The following ZNF260 variants were observed in gnomAD, a reference collection of about 807,000 sequenced individuals.
ZNF260 encodes the protein zinc finger protein 260.
Under a neutral mutation model 29.3 loss-of-function variants are expected in ZNF260, and 21 were observed. The ratio of observed to expected loss-of-function variants is 0.72; its 90% CI spans 0.51 to 1.03. The LOEUF is 1.03. ZNF260 is among the 50% of genes least tolerant of loss of function. The pLI is 0.00. For synonymous variants in ZNF260, 156 were observed against 156.8 expected, an observed-to-expected ratio of 0.99 and a Z score of 0.04; for missense variants, 465 against 487.8, an observed-to-expected ratio of 0.95 and a Z score of 0.44.
chr19:36,514,798 G>C lies in ZNF260; in HGVS notation c.441C>G (p.Gly147=), dbSNP rs1041261251. The C allele has an allele frequency of 2.3e-5, 37 of 1,613,586 alleles. No individual in the cohort carries two copies. Among genetic ancestry groups the C allele is most frequent in the Admixed American group, 3.3e-5 (2 of 59,998 alleles). Residue 147 remains glycine, a synonymous_variant, in exon 3 of 3, where the codon GGC becomes GGG. Coordinates refer to ENST00000523638, the MANE Select transcript of ZNF260 (RefSeq NM_001166037.2). ...ACKECGKAFN[G]KAYLTEHEKI... ...TCTCATGCTCAGTGAGATATGCTTT[G>C]CCGTTAAAGGCTTTGCCACATTCCT...
chr19:36,517,776 G>A (rs2034575488), intron 2 of ZNF260, among the ~76,000 whole-genome samples: 1 of 151,976 alleles, frequency 6.6e-6, no homozygotes, highest in South Asian at 2.1e-4. Flanking sequence ...GTTAGAGTCC[G>A]AGAATGCTGG....
Position 36,510,817 on chromosome 19 carries a change from A to G in ZNF260, c.*3183T>C, listed in dbSNP as rs566774859. Reference sequence around the variant, plus strand: ...AGAGAATATTATGTTGCAATTGCTCATCTTACTCTGACCATCATAATCATT... The same window carrying G: ...AGAGAATATTATGTTGCAATTGCTCGTCTTACTCTGACCATCATAATCATT... On this transcript the variant is annotated 3_prime_UTR_variant, in exon 3 of 3. Transcript: ENST00000523638. The G allele has an allele frequency of 1.3e-5, 2 of 152,296 alleles. No homozygotes were observed. The highest frequency in any genetic ancestry group is 4.1e-4 in the South Asian group (2 of 4,832). The allele number at this position is 152,296 out of a possible 1,614,324, so 9.4% of individuals were successfully genotyped here. A position where few individuals can be genotyped will look rare whatever the true frequency, so the allele number is the denominator to read the frequency against.
intron 2 of ZNF260, among the ~76,000 whole-genome samples, chr19:36,516,132 A>G (rs1373674183): frequency 6.6e-6 from 1 of 152,158 alleles, no homozygotes; most frequent in African/African-American, 2.4e-5. Context: ...TCAGCCTCCC[A>G]AAGTGCTGGG....
rs967113324 is a variant in ZNF260, at chr19:36,516,810, C to T, written c.-461-1111G>A. Among the ~76,000 whole-genome samples, 8 of 152,040 alleles carry T rather than the reference C, an allele frequency of 5.3e-5. No individual in the cohort carries two copies. The South Asian group carries it at 1.7e-3, about 32-fold the overall frequency. On this transcript the variant is annotated intron_variant, in intron 2 of 2. Coordinates refer to ENST00000523638, the MANE Select transcript of ZNF260 (RefSeq NM_001166037.2). ...GGCCAGGGTGGTCTCGATCTCCTGA[C>T]CTCGTGATCTGCCCGCCTTGGCCTC...
At position 36,520,216 on chromosome 19, in the gene ZNF260, A is replaced by G. The variant is rs2034621068; in HGVS notation, c.-461-4517T>C. 2.0e-5 allele frequency among the ~76,000 whole-genome samples: 3 copies of G among 149,746 alleles called. No homozygotes were observed. In the South Asian group the frequency reaches 6.3e-4, roughly 31 times the overall value. ...TCTGTCTCAAAAAAAAAAAAAAAAG[A>G]AAGAAAGAAAAAGGAAAGAAAAACA... On this transcript the variant is annotated intron_variant, in intron 2 of 2. Transcript: ENST00000523638.
At chr19:36,518,492 A>T (rs1434660937) in intron 2 of ZNF260, among the ~76,000 whole-genome samples, 2 of 152,204 alleles carry the variant, frequency 1.3e-5, no homozygotes, top group Non-Finnish European at 2.9e-5. Context: ...AATTGATCTT[A>T]AAAATTCAGT....
intron 1 of ZNF260, among the ~76,000 whole-genome samples, chr19:36,527,114 T>A (rs185084522): frequency 5.8e-4 from 89 of 152,272 alleles, no homozygotes; most frequent in African/African-American, 2.1e-3. Context: ...GATTAGGAGC[T>A]CAGGACAAGC....
rs1285439242 is a variant in ZNF260 at position 36,513,508 on chromosome 19, C to T, written c.*492G>A. Reference sequence around the variant, plus strand: ...CACCAATCTGGGATACCGCCTCTATCAATTACCAATTCCCCATATATTCAT... The same window carrying T: ...CACCAATCTGGGATACCGCCTCTATTAATTACCAATTCCCCATATATTCAT... On this transcript the variant is annotated 3_prime_UTR_variant, in exon 3 of 3. Coordinates refer to ENST00000523638, the MANE Select transcript of ZNF260 (RefSeq NM_001166037.2). 8.0e-6 allele frequency: 3 copies of T among 375,970 alleles called. No individual in the cohort carries two copies. The highest frequency in any genetic ancestry group is 6.2e-5 in the African/African-American group (3 of 48,196). 23.3% of individuals were successfully genotyped at this position (375,970 alleles called of 1,614,324 possible).
chr19:36,527,682 T>C (rs1027649021), intron 1 of ZNF260, among the ~76,000 whole-genome samples: 1 of 152,120 alleles, frequency 6.6e-6, no homozygotes, highest in Non-Finnish European at 1.5e-5. Context: ...TCCAAAGTAT[T>C]AAGAAAAGTC....
intron 2 of ZNF260, among the ~76,000 whole-genome samples, chr19:36,524,212 G>A (rs2034690316): frequency 6.6e-6 from 1 of 151,948 alleles, no homozygotes; most frequent in African/African-American, 2.4e-5. Flanking sequence ...GTCTCACTCT[G>A]TTGCCCAGGC....
At chr19:36,516,000 T>A (rs2034543627) in intron 2 of ZNF260, among the ~76,000 whole-genome samples, 1 of 151,770 alleles carries the variant, frequency 6.6e-6, no homozygotes, top group African/African-American at 2.4e-5. Flanking sequence ...GCCTCCCGAG[T>A]AGCTGGGACT....
In ZNF260 at chr19:36,523,826, G is replaced by A. The variant is rs570090981; in HGVS notation, c.-462+1329C>T. Among the ~76,000 whole-genome samples the A allele has an allele frequency of 3.6e-4, 54 of 151,696 alleles. No homozygotes were observed. The South Asian group carries it at 9.2e-3, about 26-fold the overall frequency. ...CTCCTGACCTCATGATCCACCTGCC[G>A]CAGCCTCCCAAAGTGCTGGGATTAC... On this transcript the variant is annotated intron_variant, in intron 2 of 2. Transcript: ENST00000523638.
chr19:36,520,198 C>CAAAAAAA (rs11327751), intron 2 of ZNF260, among the ~76,000 whole-genome samples: 1 of 89,680 alleles, frequency 1.1e-5, no homozygotes, highest in Non-Finnish European at 2.4e-5. Context: ...GACTCTGTCT[C>CAAAAAAA]AAAAAAAAAA....
intron 1 of ZNF260, among the ~76,000 whole-genome samples, 188 bp downstream of exon 1, chr19:36,528,031 G>A (rs1431405689): frequency 6.7e-6 from 1 of 148,564 alleles, no homozygotes; most frequent in Non-Finnish European, 1.5e-5. Context: ...TCACCCACCC[G>A]CGAACCCACC....
rs765122944 is a variant in ZNF260, at chr19:36,514,778, T to G, written c.461A>C (p.His154Pro). ...AFNGKAYLTE[H>P]EKIHTGEKPF... ...TTTTTCTCCAGTATGAATTTTCTCATGCTCAGTGAGATATGCTTTGCCGTT... is the reference window on the plus strand; with the variant it reads ...TTTTTCTCCAGTATGAATTTTCTCAGGCTCAGTGAGATATGCTTTGCCGTT... Residue 154 changes from histidine (H) to proline (P), a missense_variant, in exon 3 of 3, where the codon CAT becomes CCT. By Grantham distance (77) the His-to-Pro change is moderately conservative. Coordinates refer to ENST00000523638, the MANE Select transcript of ZNF260 (RefSeq NM_001166037.2). The G allele has an allele frequency of 1.2e-6, 2 of 1,613,868 alleles. No homozygotes were observed. Among genetic ancestry groups the G allele is most frequent in the Non-Finnish European group, 1.7e-6 (2 of 1,180,014 alleles).
At chr19:36,522,075 T>A (rs1265166347) in intron 2 of ZNF260, among the ~76,000 whole-genome samples, 1 of 151,588 alleles carries the variant, frequency 6.6e-6, no homozygotes, top group African/African-American at 2.4e-5. Flanking sequence ...TAAAATAAAA[T>A]GAAAAATGCT....
intron 2 of ZNF260, among the ~76,000 whole-genome samples, chr19:36,524,487 T>A (rs2034696802): frequency 6.6e-6 from 1 of 150,926 alleles, no homozygotes; most frequent in Admixed American, 6.6e-5. Flanking sequence ...CCAGAATGAT[T>A]ACATTTTAAA....
At chr19:36,527,798 T>C (rs761311339) in intron 1 of ZNF260, among the ~76,000 whole-genome samples, 14 of 152,298 alleles carry the variant, frequency 9.2e-5, no homozygotes, top group Admixed American at 2.6e-4. Flanking sequence ...TACTCCACAA[T>C]AGGTCTGCTT....
In ZNF260 at chr19:36,510,738, A is replaced by C. The variant is rs918917741; in HGVS notation, c.*3262T>G. The C allele has an allele frequency of 2.0e-5, 3 of 152,324 alleles. No individual in the cohort carries two copies. Among genetic ancestry groups the C allele is most frequent in the Admixed American group, 6.5e-5 (1 of 15,290 alleles). The allele number at this position is 152,324 out of a possible 1,614,324, so 9.4% of individuals were successfully genotyped here. A position where few individuals can be genotyped will look rare whatever the true frequency, so the allele number is the denominator to read the frequency against. Reference sequence around the variant, plus strand: ...TGTACCATTTCTTATGGTGGCAAATAAGCAAACTGTGAGTAAACGAGGGCA... The same window carrying C: ...TGTACCATTTCTTATGGTGGCAAATCAGCAAACTGTGAGTAAACGAGGGCA... On this transcript the variant is annotated 3_prime_UTR_variant, in exon 3 of 3. Transcript: ENST00000523638.
Sources: gnomAD v4.1 joint callset for allele counts (sites outside exome capture counted in the v4.1 genomes callset) on GRCh38, gnomAD v4.1.1 for gene constraint, MANE v1.5 for transcripts, NCBI Gene and HGNC (gene_info 2026-07-23, HGNC 2026-07-21) for gene names.